EHD1: variants seen among roughly 807,000 people sequenced by gnomAD.
The protein encoded by EHD1 is EH domain-containing protein 1.
In EHD1, 19 loss-of-function variants were observed where a neutral mutation model predicts 39.0. The observed-to-expected ratio is 0.49, with a 90% confidence interval of 0.34 to 0.72. The LOEUF is 0.72. EHD1 is among the 30% of genes least tolerant of loss of function. The probability of loss-of-function intolerance (pLI) is 0.01; values close to 1 mark genes in which losing one functional copy is unlikely to be tolerated. For missense variants in EHD1, 542 were observed against 751.5 expected (o/e 0.72, Z 3.26); for synonymous variants, 323 against 331.2 (o/e 0.98, Z 0.27).
At chr11:64,870,400 T>G (rs546414640) in intron 2 of EHD1, among the ~76,000 whole-genome samples, 157 of 152,292 alleles carry the variant, frequency 1.0e-3, no homozygotes, top group Non-Finnish European at 1.7e-3. Flanking sequence ...GCCAATTACT[T>G]AACTTTCCTA....
chr11:64,873,004 C>T (rs1272754957), intron 2 of EHD1, among the ~76,000 whole-genome samples: 1 of 152,192 alleles, frequency 6.6e-6, no homozygotes. Context: ...TTCATTTTCA[C>T]ATTTGGAGCT....
chr11:64,878,678 C>G, upstream of EHD1: 3 of 1,352,082 alleles, frequency 2.2e-6, no homozygotes, highest in Non-Finnish European at 2.8e-6. Context: ...TGGCGGCTAG[C>G]GCCGCCGCGG....
chr11:64,855,885 C>T (rs140435300), intron 3 of EHD1: 148 of 184,008 alleles, frequency 8.0e-4, no homozygotes, highest in African/African-American at 3.7e-3. Flanking sequence ...CACACACCCT[C>T]CGCTCAACCC....
intron 2 of EHD1, among the ~76,000 whole-genome samples, chr11:64,873,417 T>C (rs1403757861): frequency 6.6e-6 from 1 of 152,206 alleles, no homozygotes; most frequent in African/African-American, 2.4e-5. Flanking sequence ...CTAAAGCTAA[T>C]AAGCTCTGGG....
intron 2 of EHD1, among the ~76,000 whole-genome samples, chr11:64,867,549 T>C (rs534571307): frequency 6.6e-5 from 10 of 152,078 alleles, no homozygotes; most frequent in African/African-American, 2.4e-4. Context: ...TGAAACCCTG[T>C]CTCTACTAAA....
At chr11:64,855,202 C>T (rs1051876056) in intron 4 of EHD1, 120 bp downstream of exon 4, 91 of 1,413,514 alleles carry the variant, frequency 6.4e-5, no homozygotes, top group Non-Finnish European at 8.1e-5. Flanking sequence ...ATTAACCCAG[C>T]TGCTTCCGTT....
intron 2 of EHD1, among the ~76,000 whole-genome samples, chr11:64,865,465 C>T (rs1206738957): frequency 6.6e-6 from 1 of 152,274 alleles, no homozygotes; most frequent in Non-Finnish European, 1.5e-5. Flanking sequence ...AGGTAGGGGC[C>T]TTGCTGTTAG....
In EHD1 at chr11:64,874,506, G is replaced by A. The variant is rs151065170; in HGVS notation, c.417C>T (p.Ala139=). 1.3e-5 allele frequency: 21 copies of A among 1,608,516 alleles called. No homozygotes were observed. The African/African-American group carries it at 2.4e-4, about 18-fold the overall frequency. ...TGTCCAGGACGGGGTTGGGCAGCTG[G>A]GCACACATGAACCTACATGAGAGCA... ...GNAFLNRFMC[A]QLPNPVLDSI... The change falls in exon 2 of 5, where the codon GCC becomes GCT. Residue 139 remains alanine, a synonymous_variant. Coordinates refer to ENST00000320631, the MANE Select transcript of EHD1 (RefSeq NM_006795.4).
At chr11:64,858,457 G>A (rs1358249042) in intron 3 of EHD1, among the ~76,000 whole-genome samples, 1 of 152,136 alleles carries the variant, frequency 6.6e-6, no homozygotes, top group African/African-American at 2.4e-5. Context: ...CCAAAGTGCT[G>A]GAATTACAGG....
At chr11:64,874,348 A>T in intron 2 of EHD1, 73 bp downstream of exon 2, 1 of 1,335,554 alleles carries the variant, frequency 7.5e-7, no homozygotes, top group South Asian at 1.3e-5. Flanking sequence ...CAGCATCTGA[A>T]CCAAGTTGCA....
intron 2 of EHD1, among the ~76,000 whole-genome samples, chr11:64,863,886 G>A (rs992907879): frequency 2.6e-5 from 4 of 152,254 alleles, no homozygotes; most frequent in African/African-American, 9.6e-5. Context: ...GGAGGAGGGC[G>A]TGTGGGAGCA....
chr11:64,856,285 C>A lies in EHD1; in HGVS notation c.916-799G>T, dbSNP rs2136475377. 1.3e-5 allele frequency: 2 copies of A among 152,998 alleles called. 1 individual carries two copies. Among genetic ancestry groups the A allele is most frequent in the South Asian group, 3.9e-4 (2 of 5,078 alleles). The allele number at this position is 152,998 out of a possible 1,614,324, so 9.5% of individuals were successfully genotyped here. ...CTGCAGGGCCCACCAGCCTGCACGTCCAAATCCCTGCTGAGTGCCGATGGA... is the reference window on the plus strand; with the variant it reads ...CTGCAGGGCCCACCAGCCTGCACGTACAAATCCCTGCTGAGTGCCGATGGA... On this transcript the variant is annotated intron_variant, in intron 3 of 4. Coordinates refer to ENST00000320631, the MANE Select transcript of EHD1 (RefSeq NM_006795.4).
Position 64,855,444 on chromosome 11 carries a change from T to C in EHD1, c.958A>G (p.Asn320Asp). 6.2e-7 allele frequency: 1 copy of C among 1,613,962 alleles called. No individual in the cohort carries two copies. Among genetic ancestry groups the C allele is most frequent in the Non-Finnish European group, 8.5e-7 (1 of 1,180,000 alleles). Reference sequence around the variant, plus strand: ...TTTTTGCTCTCTTTACCAAAGACATTGGGCATCTCTTTCTTGAGGGAGCTG... The same window carrying C: ...TTTTTGCTCTCTTTACCAAAGACATCGGGCATCTCTTTCTTGAGGGAGCTG... ...IISSLKKEMP[N>D]VFGKESKKKE... The change falls in exon 4 of 5, where the codon AAT becomes GAT. Residue 320 changes from asparagine (N) to aspartate (D), a missense_variant. Asn to Asp is a conservative substitution (Grantham distance 23). Transcript: ENST00000320631.
Position 64,878,529 on chromosome 11 carries a change from G to C in EHD1, c.-65C>G. 1.3e-6 allele frequency: 2 copies of C among 1,505,986 alleles called. No individual in the cohort carries two copies. The highest frequency in any genetic ancestry group is 1.8e-6 in the Non-Finnish European group (2 of 1,131,776). The allele number at this position is 1,505,986 out of a possible 1,614,324, so 93.3% of individuals were successfully genotyped here. A position where few individuals can be genotyped will look rare whatever the true frequency, so the allele number is the denominator to read the frequency against. ...CGGCTGAGAGCGGGGCGAGGGTGCGGAGCCGAGGCGGGGCCGGCCGGGGCA... is the reference window on the plus strand; with the variant it reads ...CGGCTGAGAGCGGGGCGAGGGTGCGCAGCCGAGGCGGGGCCGGCCGGGGCA... On this transcript the variant is annotated 5_prime_UTR_variant, in exon 1 of 5. Coordinates refer to ENST00000320631, the MANE Select transcript of EHD1 (RefSeq NM_006795.4).
chr11:64,859,059 T>G (rs1943685040), intron 3 of EHD1, among the ~76,000 whole-genome samples: 1 of 152,234 alleles, frequency 6.6e-6, no homozygotes, highest in Admixed American at 6.5e-5. Flanking sequence ...TCTACTCCAC[T>G]GGGACAGCCC....
rs1475334046 is a variant in EHD1, at chr11:64,878,198, C to A, written c.267G>T (p.Gly89=). 6.2e-7 allele frequency: 1 copy of A among 1,611,934 alleles called. No individual in the cohort carries two copies. The highest frequency in any genetic ancestry group is 8.5e-7 in the Non-Finnish European group (1 of 1,178,458). Residue 89 remains glycine (G), a synonymous_variant, in exon 1 of 5, where the codon GGG becomes GGT. Transcript: ENST00000320631. ...TGAAGGAGTCGGTGGTGGGCTCGGG[C>A]CCGATGCGCATCCCCGGGAAGTCCT... ...IEQDFPGMRI[G]PEPTTDSFIA...
At chr11:64,875,916 A>T (rs1056999929) in intron 1 of EHD1, among the ~76,000 whole-genome samples, 1 of 152,212 alleles carries the variant, frequency 6.6e-6, no homozygotes, top group Non-Finnish European at 1.5e-5. Context: ...GGGAAGCAGA[A>T]TTGGCTCTGG....
At chr11:64,861,398 A>T (rs3893108) in intron 2 of EHD1, among the ~76,000 whole-genome samples, 14,212 of 152,258 alleles carry the variant, frequency 0.093, 1,132 homozygotes, top group East Asian at 0.47. Context: ...CACTGTGCTC[A>T]GCACAGCACA....
intron 2 of EHD1, among the ~76,000 whole-genome samples, chr11:64,870,095 C>T (rs548749491): frequency 3.2e-4 from 49 of 152,344 alleles, no homozygotes; most frequent in African/African-American, 1.2e-3. Flanking sequence ...AACACAATAC[C>T]AGCACTGCTG....
Sources: gnomAD v4.1 joint callset for allele counts (sites outside exome capture counted in the v4.1 genomes callset) on GRCh38, gnomAD v4.1.1 for gene constraint, MANE v1.5 for transcripts, NCBI Gene and HGNC (gene_info 2026-07-23, HGNC 2026-07-21) for gene names.